Variants in BRINP3 observed in about 807,000 individuals in gnomAD.
The protein encoded by BRINP3 is BMP/retinoic acid inducible neural specific 3, also known as BMP/retinoic acid-inducible neural-specific protein 3.
BRINP3 carries 19 observed loss-of-function variants against 71.0 expected under a neutral mutation model. The observed-to-expected ratio is 0.27, with a 90% CI of 0.19 to 0.39. The LOEUF is 0.39. Ranked by LOEUF, BRINP3 falls within the 10% of genes least tolerant of loss-of-function variation. The pLI is 1.00. For synonymous variants in BRINP3, 380 were observed against 337.7 expected (o/e 1.13, Z -1.37); for missense variants, 959 against 940.8 (o/e 1.02, Z -0.25).
intron 2 of BRINP3, among the ~76,000 whole-genome samples, chr1:190,323,941 A>C (rs562289248): frequency 1.7e-4 from 26 of 152,048 alleles, no homozygotes; most frequent in Non-Finnish European, 3.5e-4. Flanking sequence ...GAAAACAAAT[A>C]AAATATTGGA....
chr1:190,192,104 G>A (rs1020180862), intron 6 of BRINP3, among the ~76,000 whole-genome samples: 2 of 152,010 alleles, frequency 1.3e-5, no homozygotes, highest in Admixed American at 1.3e-4. Context: ...CCAAAAATAC[G>A]GGCTCTGAAT....
intron 2 of BRINP3, among the ~76,000 whole-genome samples, chr1:190,399,217 CA>C (rs1671773936): frequency 6.6e-6 from 1 of 151,902 alleles, no homozygotes; most frequent in Non-Finnish European, 1.5e-5. Context: ...TAATTAAAAA[CA>C]CACCCTCAAA....
At chr1:190,291,227 A>C (rs1457434625) in intron 2 of BRINP3, among the ~76,000 whole-genome samples, 3 of 152,094 alleles carry the variant, frequency 2.0e-5, no homozygotes, top group Non-Finnish European at 2.9e-5. Flanking sequence ...GTGAATGATT[A>C]AAGAGGTTTA....
chr1:190,131,183 G>C (rs1219448392), intron 7 of BRINP3, among the ~76,000 whole-genome samples: 2 of 126,706 alleles, frequency 1.6e-5, no homozygotes, highest in African/African-American at 5.8e-5. Context: ...TGTGTGGCGG[G>C]GGGTGGGGGG....
At chr1:190,383,668 A>G (rs1670696128) in intron 2 of BRINP3, among the ~76,000 whole-genome samples, 2 of 152,142 alleles carry the variant, frequency 1.3e-5, no homozygotes, top group Non-Finnish European at 2.9e-5. Context: ...TTTACCTGGT[A>G]AAGTTACTCA....
chr1:190,127,956 A>T (rs953533430), intron 7 of BRINP3, among the ~76,000 whole-genome samples: 1 of 151,820 alleles, frequency 6.6e-6, no homozygotes, highest in African/African-American at 2.4e-5. Flanking sequence ...GGGAAAGAAA[A>T]GACAAAGAGT....
chr1:190,260,518 G>T (rs969347787), intron 4 of BRINP3, among the ~76,000 whole-genome samples: 17 of 151,664 alleles, frequency 1.1e-4, no homozygotes, highest in African/African-American at 4.1e-4. Flanking sequence ...ATATTTTCTT[G>T]GGTATTCTTA....
chr1:190,371,772 G>T (rs57686619), intron 2 of BRINP3, among the ~76,000 whole-genome samples: 1 of 152,120 alleles, frequency 6.6e-6, no homozygotes, highest in African/African-American at 2.4e-5. Flanking sequence ...TATGGATATT[G>T]TTAAATTTAA....
At chr1:190,111,101 C>T (rs1652630398) in intron 7 of BRINP3, among the ~76,000 whole-genome samples, 1 of 147,850 alleles carries the variant, frequency 6.8e-6, no homozygotes, top group Non-Finnish European at 1.5e-5. Flanking sequence ...TGGAGTGAAC[C>T]CGGGAGGCGG....
chr1:190,277,087 T>TTA (rs1222129309), intron 3 of BRINP3, among the ~76,000 whole-genome samples: 3,351 of 36,016 alleles, frequency 0.093, 250 homozygotes, highest in African/African-American at 0.11. Context: ...AATTTTGGTT[T>TTA]TATATATATA....
chr1:190,163,975 A>C (rs1651251421), intron 6 of BRINP3, among the ~76,000 whole-genome samples: 1 of 152,152 alleles, frequency 6.6e-6, no homozygotes, highest in African/African-American at 2.4e-5. Flanking sequence ...TCTGTTAGCA[A>C]AAAGTTTTAT....
intron 6 of BRINP3, among the ~76,000 whole-genome samples, chr1:190,203,816 A>T (rs757989294): frequency 5.3e-4 from 48 of 90,542 alleles, no homozygotes; most frequent in African/African-American, 1.1e-3. Flanking sequence ...TATATATATA[A>T]ATGAAAACAA....
At chr1:190,118,757 C>T (rs1345582668) in intron 7 of BRINP3, among the ~76,000 whole-genome samples, 1 of 152,154 alleles carries the variant, frequency 6.6e-6, no homozygotes, top group African/African-American at 2.4e-5. Context: ...ATTAAAACAT[C>T]AATCAATTGT....
chr1:190,449,219 C>T (rs1675438279), intron 2 of BRINP3, among the ~76,000 whole-genome samples: 1 of 151,964 alleles, frequency 6.6e-6, no homozygotes, highest in African/African-American at 2.4e-5. Flanking sequence ...TGTGTGGCTA[C>T]ATTTTATTTT....
intron 2 of BRINP3, among the ~76,000 whole-genome samples, chr1:190,317,327 C>A (rs528019746): frequency 6.6e-6 from 1 of 152,180 alleles, no homozygotes; most frequent in South Asian, 2.1e-4. Context: ...CCAAGGGCAG[C>A]TATTCAGTTT....
intron 2 of BRINP3, among the ~76,000 whole-genome samples, chr1:190,301,402 A>G (rs1218440807): frequency 6.6e-6 from 1 of 150,630 alleles, no homozygotes; most frequent in Non-Finnish European, 1.5e-5. Context: ...AAATAGTGTT[A>G]TATTTTCACT....
intron 2 of BRINP3, among the ~76,000 whole-genome samples, chr1:190,424,010 T>C (rs959115002): frequency 3.3e-5 from 5 of 151,850 alleles, no homozygotes; most frequent in African/African-American, 1.2e-4. Flanking sequence ...TCCTAGTTGA[T>C]GGGAGTTCCA....
At chr1:190,341,704 A>G (rs912075049) in intron 2 of BRINP3, among the ~76,000 whole-genome samples, 1 of 151,804 alleles carries the variant, frequency 6.6e-6, no homozygotes, top group African/African-American at 2.4e-5. Flanking sequence ...CAGAAATATC[A>G]AAGTTCCATA....
At chr1:190,446,803 A>C (rs1447112552) in intron 2 of BRINP3, among the ~76,000 whole-genome samples, 1 of 152,038 alleles carries the variant, frequency 6.6e-6, no homozygotes, top group Non-Finnish European at 1.5e-5. Flanking sequence ...ACAGAAAAGA[A>C]TACATGCCTC....
Sources: gnomAD v4.1 joint callset for allele counts (sites outside exome capture counted in the v4.1 genomes callset) on GRCh38, gnomAD v4.1.1 for gene constraint, MANE v1.5 for transcripts, NCBI Gene and HGNC (gene_info 2026-07-23, HGNC 2026-07-21) for gene names.